Variants in NEK7 observed in about 807,000 individuals in gnomAD.
The protein encoded by NEK7 is serine/threonine-protein kinase Nek7.
NEK7 carries 18 observed loss-of-function variants against 44.6 expected under a neutral mutation model. The observed-to-expected ratio is 0.40, with a 90% CI of 0.28 to 0.60. The LOEUF (loss-of-function observed/expected upper bound fraction) is 0.60. NEK7 is among the 20% of genes least tolerant of loss of function. The pLI is 0.38. For missense variants in NEK7, 256 were observed against 366.5 expected (o/e 0.70, Z 2.46); for synonymous variants, 130 against 121.1 (o/e 1.07, Z -0.48).
At chr1:198,223,966 G>C (rs1213293715) in intron 1 of NEK7, among the ~76,000 whole-genome samples, 1 of 152,158 alleles carries the variant, frequency 6.6e-6, no homozygotes, top group Non-Finnish European at 1.5e-5. Flanking sequence ...TGGATTTTAA[G>C]AGTATGAAGG....
intron 7 of NEK7, among the ~76,000 whole-genome samples, chr1:198,288,178 G>A (rs547472895): frequency 1.3e-5 from 2 of 152,312 alleles, no homozygotes; most frequent in Admixed American, 6.5e-5. Context: ...GTGGTTGAGA[G>A]CTGTAAAGGC....
At chr1:198,260,882 A>AATTTT (rs201946036) in intron 3 of NEK7, among the ~76,000 whole-genome samples, 3,762 of 152,196 alleles carry the variant, frequency 0.025, 70 homozygotes, top group African/African-American at 0.047. Context: ...GGACTGAGCC[A>AATTTT]AAGCTAAAAT....
At chr1:198,173,637 T>A (rs537132389) in intron 1 of NEK7, among the ~76,000 whole-genome samples, 1 of 151,216 alleles carries the variant, frequency 6.6e-6, no homozygotes, top group South Asian at 2.1e-4. Flanking sequence ...TTTATGACAC[T>A]TTAGCATTCT....
At chr1:198,223,567 G>A (rs1373891587) in intron 1 of NEK7, among the ~76,000 whole-genome samples, 1 of 152,188 alleles carries the variant, frequency 6.6e-6, no homozygotes, top group Non-Finnish European at 1.5e-5. Flanking sequence ...AAGGTGAGTA[G>A]CTACCGTTTT....
intron 2 of NEK7, among the ~76,000 whole-genome samples, chr1:198,236,789 C>G (rs1666555196): frequency 6.6e-6 from 1 of 152,152 alleles, no homozygotes; most frequent in African/African-American, 2.4e-5. Flanking sequence ...TATGCTATTA[C>G]TTCTCCCATC....
At chr1:198,216,984 C>T (rs1665939760) in intron 1 of NEK7, among the ~76,000 whole-genome samples, 1 of 151,832 alleles carries the variant, frequency 6.6e-6, no homozygotes, top group South Asian at 2.1e-4. Context: ...GAAAAATAAG[C>T]CCAGGGCCAC....
chr1:198,247,120 A>G (rs748495245), intron 2 of NEK7, among the ~76,000 whole-genome samples: 9 of 152,220 alleles, frequency 5.9e-5, no homozygotes, highest in Non-Finnish European at 1.2e-4. Context: ...TGTAAATTCA[A>G]TGGCTATGAA....
rs115359978 is a variant in NEK7, at chr1:198,289,057, G to C, written c.590-3888G>C. On this transcript the variant is annotated intron_variant, in intron 7 of 9. Coordinates refer to ENST00000367385, the MANE Select transcript of NEK7 (RefSeq NM_133494.3). ...AATAAATTTGGCCTCTCTCCATTCT[G>C]TCTGCCAACATAATTTCTGGGCTGA... 9.7e-3 allele frequency among the ~76,000 whole-genome samples: 1,469 copies of C among 151,960 alleles called. 26 individuals are homozygous for C. The highest frequency in any genetic ancestry group is 0.033 in the African/African-American group (1,377 of 41,416).
intron 1 of NEK7, among the ~76,000 whole-genome samples, chr1:198,221,571 A>G (rs1380088483): frequency 6.6e-6 from 1 of 151,712 alleles, no homozygotes; most frequent in Non-Finnish European, 1.5e-5. Flanking sequence ...TTAAAACTAT[A>G]TAATTGGCCA....
chr1:198,197,674 G>T, intron 1 of NEK7: 2 of 411,788 alleles, frequency 4.9e-6, no homozygotes, highest in East Asian at 5.9e-5. Flanking sequence ...GTGGGGGTAG[G>T]GGTGGGGAGC....
intron 1 of NEK7, among the ~76,000 whole-genome samples, chr1:198,205,705 T>C (rs1402994019): frequency 6.6e-6 from 1 of 152,088 alleles, no homozygotes; most frequent in African/African-American, 2.4e-5. Context: ...TAAGGTACAG[T>C]CTCAGATTTG....
At chr1:198,218,750 C>T (rs994576891) in intron 1 of NEK7, among the ~76,000 whole-genome samples, 15 of 146,864 alleles carry the variant, frequency 1.0e-4, no homozygotes, top group Non-Finnish European at 1.5e-5. Context: ...AAAAAAAAAG[C>T]ATGAATAGAC....
intron 1 of NEK7, among the ~76,000 whole-genome samples, chr1:198,226,323 T>A (rs1267133127): frequency 1.3e-5 from 2 of 152,022 alleles, no homozygotes; most frequent in Admixed American, 1.3e-4. Flanking sequence ...GGCGGGTGGA[T>A]CACCTGAGGT....
intron 1 of NEK7, among the ~76,000 whole-genome samples, chr1:198,228,199 A>C (rs1453075183): frequency 6.6e-6 from 1 of 152,054 alleles, no homozygotes; most frequent in Non-Finnish European, 1.5e-5. Context: ...ATTATTTCTG[A>C]GGGCTCTGTT....
intron 5 of NEK7, among the ~76,000 whole-genome samples, chr1:198,276,258 A>G (rs1311413096): frequency 2.0e-5 from 3 of 151,732 alleles, no homozygotes; most frequent in East Asian, 1.9e-4. Flanking sequence ...CAACTACATT[A>G]TAATTATGAT....
At chr1:198,284,375 C>G (rs1301534004) in intron 7 of NEK7, among the ~76,000 whole-genome samples, 1 of 152,058 alleles carries the variant, frequency 6.6e-6, no homozygotes, top group Admixed American at 6.6e-5. Flanking sequence ...TGCTTAGGAG[C>G]CTACATATGA....
intron 3 of NEK7, 143 bp from the exon 4 acceptor site, chr1:198,262,432 G>A (rs1571585225): frequency 1.9e-6 from 1 of 513,128 alleles, no homozygotes; most frequent in Non-Finnish European, 3.5e-6. Context: ...GATACCTACA[G>A]AACTCCTTAA....
chr1:198,212,778 T>C (rs1323210890), intron 1 of NEK7, among the ~76,000 whole-genome samples: 1 of 152,234 alleles, frequency 6.6e-6, no homozygotes, highest in Middle Eastern at 3.2e-3. Context: ...GCTGATCCTC[T>C]TTTGCAAGTG....
In NEK7 at chr1:198,279,052, CATTCTTTAGGTAAGAGACACAAT is replaced by C; in HGVS notation, c.583_589+16del. The C allele has an allele frequency of 6.3e-7, 1 of 1,597,492 alleles. No homozygotes were observed. The highest frequency in any genetic ancestry group is 2.2e-5 in the East Asian group (1 of 44,694). On this transcript the variant is annotated splice_donor_variant and splice_donor_5th_base_variant and coding_sequence_variant and intron_variant, in exon 7 of 10. Coordinates refer to ENST00000367385, the MANE Select transcript of NEK7 (RefSeq NM_133494.3). LOFTEE classifies it high-confidence loss of function. ...TTTCAGCTCAAAAACCACAGCTGCA[CATTCTTTAGGTAAGAGACACAAT>C]ATAATTTCATTCAGTTACTTTGTGT...
Sources: gnomAD v4.1 joint callset for allele counts (sites outside exome capture counted in the v4.1 genomes callset) on GRCh38, gnomAD v4.1.1 for gene constraint, MANE v1.5 for transcripts, NCBI Gene and HGNC (gene_info 2026-07-23, HGNC 2026-07-21) for gene names.